Variants in ACTR3C observed in about 807,000 individuals in gnomAD.
ACTR3C encodes actin related protein 3C.
A neutral mutation model predicts 26.3 loss-of-function variants in ACTR3C; 18 were observed. The observed-to-expected ratio is 0.68, with a 90% CI of 0.47 to 1.01. The LOEUF (loss-of-function observed/expected upper bound fraction) is 1.01. ACTR3C is among the 50% of genes least tolerant of loss of function. The probability of loss-of-function intolerance (pLI) is 0.00; values close to 1 mark genes in which losing one functional copy is unlikely to be tolerated. For synonymous variants in ACTR3C, 55 were observed against 94.5 expected, an observed-to-expected ratio of 0.58 and a Z score of 2.42; for missense variants, 184 against 250.7, an observed-to-expected ratio of 0.73 and a Z score of 1.80.
chr7:149,937,025 A>C, the ACTR3C span, among the ~76,000 whole-genome samples: 1 of 152,170 alleles, frequency 6.6e-6, no homozygotes, highest in Non-Finnish European at 1.5e-5. Flanking sequence ...CCTGGGCTGA[A>C]GAAATCCTCC....
the ACTR3C span, among the ~76,000 whole-genome samples, chr7:149,943,987 T>C: frequency 7.1e-6 from 1 of 141,818 alleles, no homozygotes; most frequent in Admixed American, 6.8e-5. Flanking sequence ...CTTGTAATTA[T>C]GTACGTAACA....
chr7:150,020,988 T>G, the ACTR3C span, among the ~76,000 whole-genome samples: 1 of 152,000 alleles, frequency 6.6e-6, no homozygotes, highest in East Asian at 1.9e-4. Flanking sequence ...GCATGGCTAA[T>G]TTTTGTATTT....
intron 4 of ACTR3C, among the ~76,000 whole-genome samples, chr7:150,287,079 A>G (rs1835838855): frequency 6.6e-6 from 1 of 152,096 alleles, no homozygotes; most frequent in Non-Finnish European, 1.5e-5. Flanking sequence ...AGCTGGCCAC[A>G]GCACTGTCAT....
chr7:149,973,015 T>C, the ACTR3C span, among the ~76,000 whole-genome samples: 3 of 151,528 alleles, frequency 2.0e-5, no homozygotes, highest in Non-Finnish European at 4.4e-5. Context: ...GTCTGTCCCA[T>C]GTAATCATAG....
the ACTR3C span, among the ~76,000 whole-genome samples, chr7:150,030,827 C>CT: frequency 1.3e-5 from 2 of 152,058 alleles, no homozygotes; most frequent in Non-Finnish European, 2.9e-5. Flanking sequence ...CAGGGCTGAC[C>CT]GCTGCATGCC....
At chr7:149,907,546 T>C in the ACTR3C span, among the ~76,000 whole-genome samples, 2 of 147,948 alleles carry the variant, frequency 1.4e-5, no homozygotes, top group African/African-American at 4.9e-5. Flanking sequence ...TAACTGTTCT[T>C]TTACTCCCAC....
chr7:150,080,545 G>A, the ACTR3C span, among the ~76,000 whole-genome samples: 5 of 151,878 alleles, frequency 3.3e-5, no homozygotes, highest in East Asian at 1.9e-4. Flanking sequence ...GTGTGTGTGT[G>A]TGTGTGTGTG....
At chr7:150,280,615 G>C (rs1835237013) in intron 6 of ACTR3C, among the ~76,000 whole-genome samples, 1 of 152,148 alleles carries the variant, frequency 6.6e-6, no homozygotes, top group African/African-American at 2.4e-5. Context: ...AGAGGGTACG[G>C]TGTAGTGGAA....
intron 3 of ACTR3C, among the ~76,000 whole-genome samples, chr7:150,291,438 A>AT (rs951050427): frequency 1.3e-5 from 2 of 152,068 alleles, no homozygotes; most frequent in African/African-American, 4.8e-5. Flanking sequence ...TCCAAAAAAA[A>AT]AGAAAAAGAG....
At chr7:150,036,473 G>A in the ACTR3C span, among the ~76,000 whole-genome samples, 1 of 145,854 alleles carries the variant, frequency 6.9e-6, no homozygotes, top group South Asian at 2.2e-4. Flanking sequence ...GTAGCCCCAG[G>A]GCTGGGGCTG....
At chr7:150,309,518 C>T (rs73472380) in intron 1 of ACTR3C, among the ~76,000 whole-genome samples, 7,200 of 152,260 alleles carry the variant, frequency 0.047, 587 homozygotes, top group African/African-American at 0.16. Context: ...ACTGCTTGCG[C>T]CTGCTGTAAG....
the ACTR3C span, among the ~76,000 whole-genome samples, chr7:149,966,784 G>C: frequency 1.3e-5 from 2 of 152,076 alleles, no homozygotes; most frequent in Non-Finnish European, 2.9e-5. Context: ...CCCCTCACTA[G>C]TTCCTCTTTG....
At chr7:150,078,111 T>G in the ACTR3C span, among the ~76,000 whole-genome samples, 1,875 of 152,346 alleles carry the variant, frequency 0.012, 48 homozygotes, top group African/African-American at 0.043. Flanking sequence ...ATATTAGGCA[T>G]TGCCTAGAAC....
At chr7:149,942,450 T>C in the ACTR3C span, among the ~76,000 whole-genome samples, 1 of 152,190 alleles carries the variant, frequency 6.6e-6, no homozygotes, top group Non-Finnish European at 1.5e-5. Flanking sequence ...AATATTTTAC[T>C]GAAAGCATCA....
chr7:150,236,704 A>G, the ACTR3C span, among the ~76,000 whole-genome samples: 1 of 151,700 alleles, frequency 6.6e-6, no homozygotes, highest in African/African-American at 2.4e-5. Context: ...TGTTCTACAT[A>G]TCTTCTTCTG....
chr7:150,034,352 C>T, the ACTR3C span, among the ~76,000 whole-genome samples: 57 of 145,422 alleles, frequency 3.9e-4, no homozygotes, highest in South Asian at 1.4e-3. Context: ...CTCTCTCTGA[C>T]GCATACAATG....
chr7:149,922,970 C>CTTTTTGTTTT, the ACTR3C span, among the ~76,000 whole-genome samples: 1 of 69,146 alleles, frequency 1.4e-5, no homozygotes, highest in East Asian at 5.8e-4. Flanking sequence ...AAATAAAAGG[C>CTTTTTGTTTT]TTTTTTTTTT....
chr7:150,151,466 G>A, the ACTR3C span, among the ~76,000 whole-genome samples: 3 of 136,732 alleles, frequency 2.2e-5, no homozygotes, highest in African/African-American at 5.0e-5. Context: ...GATGAACTTC[G>A]GTTATAATGA....
chr7:149,986,271 C>A, the ACTR3C span, among the ~76,000 whole-genome samples: 1,778 of 152,270 alleles, frequency 0.012, 46 homozygotes, highest in African/African-American at 0.041. Context: ...CTTTCTCGCT[C>A]ATCCCATAAA....
Sources: allele counts gnomAD v4.1 joint callset (sites outside exome capture counted in the v4.1 genomes callset), GRCh38; gene constraint gnomAD v4.1.1; transcripts MANE v1.5; gene names NCBI Gene and HGNC (gene_info 2026-07-23, HGNC 2026-07-21).